The following FAM149A variants were observed in gnomAD, a reference collection of about 807,000 sequenced individuals.
FAM149A encodes the protein family with sequence similarity 149 member A.
Under a neutral mutation model 78.2 loss-of-function variants are expected in FAM149A, and 71 were observed. The ratio of observed to expected loss-of-function variants is 0.91; its 90% confidence interval spans 0.75 to 1.11. The LOEUF is 1.11. Among genes scored for constraint, FAM149A ranks in the 50% least tolerant of loss-of-function variants. The pLI, the probability that FAM149A is intolerant of heterozygous loss-of-function variation, is 0.00. For synonymous variants in FAM149A, 446 were observed against 410.5 expected (o/e 1.09, Z -1.04); for missense variants, 1,036 against 971.0 (o/e 1.07, Z -0.89).
chr4:186,168,906 G>A (rs971075384), intron 13 of FAM149A, among the ~76,000 whole-genome samples: 2 of 152,178 alleles, frequency 1.3e-5, no homozygotes, highest in African/African-American at 2.4e-5. Flanking sequence ...GGAGGGTGCC[G>A]AGGCTTCCTA....
Position 186,144,745 on chromosome 4 carries a change from GC to G in FAM149A, c.567-4425del. 1.1e-6 allele frequency: 1 copy of G among 884,174 alleles called. No homozygotes were observed. Among genetic ancestry groups the G allele is most frequent in the Non-Finnish European group, 1.4e-6 (1 of 740,462 alleles). 54.8% of individuals were successfully genotyped at this position (884,174 alleles called of 1,614,324 possible). A position where few individuals can be genotyped will look rare whatever the true frequency, so the allele number is the denominator to read the frequency against. On this transcript the variant is annotated intron_variant, in intron 1 of 13. Transcript: ENST00000389354. The surrounding 1 kb of genome is among the most constrained non-coding windows in gnomAD (Gnocchi z 4.2). ...GCGCGGGGCCGGGGCCGGGGCCGGGGCCCGGAGCGGGGATGGGCGGGCGCAG... is the reference window on the plus strand; with the variant it reads ...GCGCGGGGCCGGGGCCGGGGCCGGGGCCGGAGCGGGGATGGGCGGGCGCAG...
intron 1 of FAM149A, among the ~76,000 whole-genome samples, chr4:186,126,311 T>C (rs1266927111): frequency 1.3e-5 from 2 of 152,150 alleles, no homozygotes; most frequent in Non-Finnish European, 2.9e-5. Flanking sequence ...CTCTACCATA[T>C]GGTGGTGTGA....
At chr4:186,110,363 A>G in intron 1 of FAM149A, 1 of 970,438 alleles carries the variant, frequency 1.0e-6, no homozygotes, top group Non-Finnish European at 1.2e-6. Flanking sequence ...ACGGTGGCTC[A>G]GTGTACAATT....
chr4:186,115,380 C>A (rs191138381), intron 1 of FAM149A, among the ~76,000 whole-genome samples: 1 of 149,706 alleles, frequency 6.7e-6, no homozygotes, highest in Non-Finnish European at 1.5e-5. Context: ...CTTCTGAAGC[C>A]GCCTTCTCTC....
Position 186,167,100 on chromosome 4 carries a change from G to C in FAM149A, c.2139+4G>C. On this transcript the variant is annotated splice_donor_region_variant and intron_variant, in intron 12 of 13. Coordinates refer to ENST00000389354, the MANE Select transcript of FAM149A (RefSeq NM_001367768.3). ...CAGCACAACCCACACGTTCCGGGTG[G>C]GTTCTCTGTTTCCTGTAACTTTAAT... The C allele has an allele frequency of 6.2e-7, 1 of 1,610,592 alleles. No individual in the cohort carries two copies. The highest frequency in any genetic ancestry group is 2.2e-5 in the East Asian group (1 of 44,788).
Position 186,167,073 on chromosome 4 carries a change from C to T in FAM149A, c.2116C>T (p.Pro706Ser), listed in dbSNP as rs1735101890. 6.2e-7 allele frequency: 1 copy of T among 1,613,954 alleles called. No individual in the cohort carries two copies. The highest frequency in any genetic ancestry group is 1.7e-5 in the Admixed American group (1 of 60,002). The change falls in exon 12 of 14, where the codon CCC (proline) becomes TCC (serine). Residue 706 changes from proline to serine, a missense_variant. This residue lies in a region of FAM149A where 716 missense variants were observed against 711.8 expected (regional missense o/e 1.01). Transcript: ENST00000389354. ...AGCCACCCTGGAACGGTTGTCAAGG[C>T]CCAGCACAACCCACACGTTCCGGGT...
intron 8 of FAM149A, chr4:186,158,814 T>C: frequency 4.0e-6 from 4 of 1,007,472 alleles, no homozygotes; most frequent in Non-Finnish European, 3.6e-6. Flanking sequence ...CTCAGGCCCC[T>C]GAATGAGGAG....
chr4:186,153,672 C>T lies in FAM149A; in HGVS notation c.960C>T (p.Pro320=), dbSNP rs1450865201. 5.6e-6 allele frequency: 9 copies of T among 1,614,004 alleles called. No homozygotes were observed. The highest frequency in any genetic ancestry group is 3.3e-5 in the Admixed American group (2 of 59,998). ...TATTAGGAAGACAGCTGATCCTGCC[C>T]ACTGACAAAGGCGTCCAGCATTTCC... The change falls in exon 5 of 14, where the codon CCC becomes CCT. Residue 320 remains proline, a synonymous_variant. Coordinates refer to ENST00000389354, the MANE Select transcript of FAM149A (RefSeq NM_001367768.3).
Position 186,132,998 on chromosome 4 carries a change from G to A in FAM149A, c.567-16175G>A, listed in dbSNP as rs145362015. 8.3e-4 allele frequency: 820 copies of A among 985,280 alleles called. 6 individuals carry two copies. The African/African-American group carries it at 0.013, about 15-fold the overall frequency. 61.0% of individuals were successfully genotyped at this position (985,280 alleles called of 1,614,324 possible). On this transcript the variant is annotated intron_variant, in intron 1 of 13. Coordinates refer to ENST00000389354, the MANE Select transcript of FAM149A (RefSeq NM_001367768.3). ...AGACATTGACGCTGTGCTCTGAGACGAGCTCTGCCTATAGAGCTGGCCTGC... is the reference window on the plus strand; with the variant it reads ...AGACATTGACGCTGTGCTCTGAGACAAGCTCTGCCTATAGAGCTGGCCTGC...
intron 11 of FAM149A, among the ~76,000 whole-genome samples, 189 bp from the exon 12 acceptor site, chr4:186,166,779 G>A (rs1735068885): frequency 6.6e-6 from 1 of 151,456 alleles, no homozygotes; most frequent in South Asian, 2.1e-4. Context: ...ATTTTATCAG[G>A]CTTAATAGTG....
chr4:186,172,991 C>T lies in FAM149A; in HGVS notation c.*1004C>T, dbSNP rs1264203686. 3.6e-5 allele frequency among the ~76,000 whole-genome samples: 4 copies of T among 112,112 alleles called. 1 individual carries two copies. Among genetic ancestry groups the T allele is most frequent in the African/African-American group, 1.1e-4 (4 of 35,706 alleles). The allele number at this position is 112,112 out of a possible 152,430, so 73.5% of individuals were successfully genotyped here. On this transcript the variant is annotated 3_prime_UTR_variant, in exon 14 of 14. Coordinates refer to ENST00000389354, the MANE Select transcript of FAM149A (RefSeq NM_001367768.3). The stretch of plus-strand genomic sequence containing the variant: ...ATTCAAGTCCTTACACTCATTTTTA[C>T]ATTCTCAAATCTCAAATCAGCTAAT...
At chr4:186,153,922 A>G in intron 5 of FAM149A, 152 bp downstream of exon 5, 1 of 734,996 alleles carries the variant, frequency 1.4e-6, no homozygotes, top group Non-Finnish European at 2.2e-6. Flanking sequence ...TTTTATAAGA[A>G]GCTTTTGATT....
chr4:186,105,071 C>T lies in FAM149A; in HGVS notation c.-6C>T, dbSNP rs547904122. 5 of 1,270,972 alleles carry T rather than the reference C, an allele frequency of 3.9e-6. No homozygotes were observed. The highest frequency in any genetic ancestry group is 5.1e-6 in the Non-Finnish European group (5 of 980,808). The allele number at this position is 1,270,972 out of a possible 1,614,324, so 78.7% of individuals were successfully genotyped here. On this transcript the variant is annotated 5_prime_UTR_variant, in exon 1 of 14. Transcript: ENST00000389354. Reference sequence around the variant, plus strand: ...GCGGCGAGGACGGCGTGTCCACTGTCGAGGCATGAAGGCTGCTGTGCTGGA... The same window carrying T: ...GCGGCGAGGACGGCGTGTCCACTGTTGAGGCATGAAGGCTGCTGTGCTGGA...
intron 1 of FAM149A, among the ~76,000 whole-genome samples, chr4:186,129,364 G>C (rs972912964): frequency 3.9e-5 from 6 of 152,076 alleles, no homozygotes; most frequent in African/African-American, 1.4e-4. Context: ...TTCCCCATAA[G>C]GAATTCATGA....
chr4:186,117,429 C>T, intron 1 of FAM149A: 1 of 984,116 alleles, frequency 1.0e-6, no homozygotes, highest in Non-Finnish European at 1.2e-6. Flanking sequence ...TTCAGACACA[C>T]TGCTGTGAGC....
chr4:186,152,654 C>G (rs561161242), intron 4 of FAM149A, among the ~76,000 whole-genome samples: 2 of 150,816 alleles, frequency 1.3e-5, no homozygotes, highest in Admixed American at 6.6e-5. Context: ...ACGCCATCCT[C>G]CTGCCTCAGC....
At chr4:186,136,555 A>G (rs1246184254) in intron 1 of FAM149A, among the ~76,000 whole-genome samples, 2 of 152,194 alleles carry the variant, frequency 1.3e-5, no homozygotes, top group Non-Finnish European at 2.9e-5. Context: ...TACTAATTCT[A>G]TATTTTTCTA....
At chr4:186,118,846 G>A (rs2099314805) in intron 1 of FAM149A, among the ~76,000 whole-genome samples, 2 of 152,146 alleles carry the variant, frequency 1.3e-5, no homozygotes, top group African/African-American at 4.8e-5. Flanking sequence ...TGGGAGGAGG[G>A]AGCTTCCCAT....
At position 186,104,895 on chromosome 4, in the gene FAM149A, G is replaced by T; in HGVS notation, c.-182G>T. ...GGCGCTCGGCGGACGGACCCGGGCC[G>T]GGGAAGGGCGACCCCAGCGGCGCGG... On this transcript the variant is annotated 5_prime_UTR_variant, in exon 1 of 14. Transcript: ENST00000389354. 1 of 918,698 alleles carries T rather than the reference G, an allele frequency of 1.1e-6. No homozygotes were observed. The highest frequency in any genetic ancestry group is 1.3e-6 in the Non-Finnish European group (1 of 769,112). 56.9% of individuals were successfully genotyped at this position (918,698 alleles called of 1,614,324 possible).
Sources: allele counts gnomAD v4.1 joint callset (sites outside exome capture counted in the v4.1 genomes callset), GRCh38; gene constraint gnomAD v4.1.1; regional missense constraint gnomAD v4.1.1; non-coding constraint Gnocchi (gnomAD v3.1); transcripts MANE v1.5; gene names NCBI Gene and HGNC (gene_info 2026-07-23, HGNC 2026-07-21).